The following NKAIN3 variants were observed in gnomAD, a reference collection of about 807,000 sequenced individuals.
NKAIN3 encodes the protein sodium/potassium transporting ATPase interacting 3.
Under a neutral mutation model 30.2 loss-of-function variants are expected in NKAIN3, and 25 were observed. The observed-to-expected ratio is 0.83, with a 90% confidence interval of 0.60 to 1.16. NKAIN3 has a LOEUF of 1.16. Ranked by LOEUF, NKAIN3 falls within the 50% of genes most tolerant of loss-of-function variation. NKAIN3 has a pLI of 0.00. For missense variants in NKAIN3, 225 were observed against 254.1 expected (o/e 0.89, Z 0.78); for synonymous variants, 91 against 89.6 (o/e 1.02, Z -0.09).
intron 1 of NKAIN3, among the ~76,000 whole-genome samples, chr8:62,347,312 C>G (rs1206048213): frequency 6.6e-6 from 1 of 152,078 alleles, no homozygotes; most frequent in Non-Finnish European, 1.5e-5. Flanking sequence ...GCTCATCATG[C>G]TATCAACATA....
At chr8:62,572,265 C>A (rs971241709) in intron 1 of NKAIN3, among the ~76,000 whole-genome samples, 7 of 152,166 alleles carry the variant, frequency 4.6e-5, no homozygotes, top group African/African-American at 1.7e-4. Flanking sequence ...TTAAACATAA[C>A]AAGAGTCACC....
chr8:62,453,834 T>C (rs941794258), intron 1 of NKAIN3, among the ~76,000 whole-genome samples: 11 of 152,080 alleles, frequency 7.2e-5, no homozygotes, highest in South Asian at 4.1e-4. Context: ...CAGGAAGAGA[T>C]TGAATCTCTG....
chr8:62,490,516 A>C (rs950897220), intron 1 of NKAIN3, among the ~76,000 whole-genome samples: 1 of 152,228 alleles, frequency 6.6e-6, no homozygotes, highest in Non-Finnish European at 1.5e-5. Flanking sequence ...AAGCAATCAC[A>C]TTATGGAACT....
At chr8:62,848,237 T>C (rs1819752375) in intron 4 of NKAIN3, among the ~76,000 whole-genome samples, 1 of 152,190 alleles carries the variant, frequency 6.6e-6, no homozygotes, top group Non-Finnish European at 1.5e-5. Context: ...TTAATGGGAG[T>C]AGCACTGAAT....
At chr8:62,667,295 A>C (rs1257716443) in intron 3 of NKAIN3, among the ~76,000 whole-genome samples, 1 of 146,448 alleles carries the variant, frequency 6.8e-6, no homozygotes, top group Non-Finnish European at 1.5e-5. Flanking sequence ...CTTAAAGTAT[A>C]ATAAAAAATA....
chr8:62,808,589 C>T (rs2130709444), intron 4 of NKAIN3, among the ~76,000 whole-genome samples: 1 of 152,032 alleles, frequency 6.6e-6, no homozygotes, highest in South Asian at 2.1e-4. Context: ...CTGGGGGAGA[C>T]ATCACATGTC....
intron 5 of NKAIN3, among the ~76,000 whole-genome samples, chr8:62,996,859 A>G (rs979126011): frequency 6.6e-6 from 1 of 152,192 alleles, no homozygotes; most frequent in African/African-American, 2.4e-5. Context: ...GTGGGCTCCC[A>G]TGGCCTTGGG....
At chr8:62,619,526 AACC>A (rs1811560495) in intron 3 of NKAIN3, among the ~76,000 whole-genome samples, 1 of 152,138 alleles carries the variant, frequency 6.6e-6, no homozygotes, top group Admixed American at 6.5e-5. Context: ...TTCTGGACCC[AACC>A]AATGTATATC....
At chr8:62,488,776 T>G (rs1345390601) in intron 1 of NKAIN3, among the ~76,000 whole-genome samples, 1 of 152,180 alleles carries the variant, frequency 6.6e-6, no homozygotes, top group Non-Finnish European at 1.5e-5. Context: ...ACAAAATTTT[T>G]GCAAAGCTTG....
intron 5 of NKAIN3, among the ~76,000 whole-genome samples, chr8:62,942,965 A>C (rs1563638801): frequency 6.6e-6 from 1 of 152,284 alleles, no homozygotes; most frequent in East Asian, 1.9e-4. Flanking sequence ...CCTTCTAGAC[A>C]TTGGCTTAGG....
At chr8:62,845,998 G>C (rs1819676472) in intron 4 of NKAIN3, among the ~76,000 whole-genome samples, 1 of 152,138 alleles carries the variant, frequency 6.6e-6, no homozygotes, top group African/African-American at 2.4e-5. Flanking sequence ...AGAAGATATA[G>C]AGTGAATTCA....
At chr8:62,640,935 G>GTAA (rs964899958) in intron 3 of NKAIN3, among the ~76,000 whole-genome samples, 25 of 152,126 alleles carry the variant, frequency 1.6e-4, no homozygotes, top group African/African-American at 5.8e-4. Context: ...TTTAACCCCA[G>GTAA]TAATGTCTAA....
intron 1 of NKAIN3, chr8:62,483,697 A>G: frequency 6.8e-6 from 2 of 295,816 alleles, no homozygotes; most frequent in East Asian, 1.1e-4. Context: ...AGGGACAATA[A>G]GCCCTTGCCG....
At chr8:62,390,021 CT>C (rs917872409) in intron 1 of NKAIN3, among the ~76,000 whole-genome samples, 3 of 151,218 alleles carry the variant, frequency 2.0e-5, no homozygotes, top group African/African-American at 7.3e-5. Flanking sequence ...CTTTTTCTTT[CT>C]TTTTTTTAAA....
intron 5 of NKAIN3, chr8:62,991,094 G>A (rs139894716): frequency 0.017 from 2,637 of 152,384 alleles, 62 homozygotes; most frequent in African/African-American, 0.055. Flanking sequence ...CATGAGATGG[G>A]AAAGAGGTGA....
chr8:62,633,150 T>C (rs527637804), intron 3 of NKAIN3, among the ~76,000 whole-genome samples: 77 of 152,288 alleles, frequency 5.1e-4, no homozygotes, highest in Non-Finnish European at 9.1e-4. Flanking sequence ...TGAATCTCTT[T>C]TAAGCCTCAG....
At chr8:62,992,534 AG>A (rs1289222429) in intron 5 of NKAIN3, among the ~76,000 whole-genome samples, 5 of 152,018 alleles carry the variant, frequency 3.3e-5, no homozygotes, top group Non-Finnish European at 7.3e-5. Context: ...CAGACAACAC[AG>A]GCCATGATAT....
At chr8:62,335,050 C>T (rs994118279) in intron 1 of NKAIN3, among the ~76,000 whole-genome samples, 14 of 152,012 alleles carry the variant, frequency 9.2e-5, no homozygotes, top group African/African-American at 2.7e-4. Flanking sequence ...CAGAGCATAC[C>T]TTCAGATTTA....
At chr8:62,692,056 C>G (rs1349991044) in intron 3 of NKAIN3, among the ~76,000 whole-genome samples, 3 of 152,146 alleles carry the variant, frequency 2.0e-5, no homozygotes, top group Non-Finnish European at 4.4e-5. Flanking sequence ...GCATAATCTT[C>G]CAGCAGGCCA....
Sources: allele counts gnomAD v4.1 joint callset (sites outside exome capture counted in the v4.1 genomes callset), GRCh38; gene constraint gnomAD v4.1.1; transcripts MANE v1.5; gene names NCBI Gene and HGNC (gene_info 2026-07-23, HGNC 2026-07-21).